ERI3: variants seen among roughly 807,000 people sequenced by gnomAD.
ERI3 encodes the protein ERI1 exoribonuclease 3.
Under a neutral mutation model 44.4 loss-of-function variants are expected in ERI3, and 18 were observed. The ratio of observed to expected loss-of-function variants is 0.41; its 90% CI spans 0.28 to 0.60. The LOEUF (loss-of-function observed/expected upper bound fraction) is 0.60, where lower values mean the gene tolerates loss of function less well. ERI3 is among the 20% of genes least tolerant of loss of function. The probability of loss-of-function intolerance (pLI) is 0.36; values close to 1 mark genes in which losing one functional copy is unlikely to be tolerated. For missense variants in ERI3, 294 were observed against 435.5 expected (o/e 0.68, Z 2.89); for synonymous variants, 183 against 164.8 (o/e 1.11, Z -0.84).
intron 7 of ERI3, among the ~76,000 whole-genome samples, chr1:44,281,013 G>C (rs1246635070): frequency 6.6e-6 from 1 of 152,200 alleles, no homozygotes; most frequent in East Asian, 1.9e-4. Context: ...TTACATTCTA[G>C]TTTCATGAAG....
At chr1:44,333,270 T>C (rs949293716) in intron 3 of ERI3, among the ~76,000 whole-genome samples, 2 of 152,262 alleles carry the variant, frequency 1.3e-5, no homozygotes, top group African/African-American at 4.8e-5. Context: ...AACCATAATG[T>C]TACATTAACG....
chr1:44,290,267 G>T (rs1557823347), intron 6 of ERI3, among the ~76,000 whole-genome samples: 1 of 152,160 alleles, frequency 6.6e-6, no homozygotes, highest in East Asian at 1.9e-4. Context: ...GGGGAGTATG[G>T]AGAGGCTCTG....
intron 7 of ERI3, among the ~76,000 whole-genome samples, chr1:44,269,047 C>A (rs1645041547): frequency 2.6e-5 from 4 of 152,356 alleles, no homozygotes; most frequent in Middle Eastern, 3.4e-3. Flanking sequence ...GGACCCTCAA[C>A]TTCTTCCAAT....
At chr1:44,289,267 C>T (rs1462670999) in intron 6 of ERI3, among the ~76,000 whole-genome samples, 1 of 152,202 alleles carries the variant, frequency 6.6e-6, no homozygotes, top group African/African-American at 2.4e-5. Flanking sequence ...GTCCCCCAGT[C>T]CTGCCTGTGG....
chr1:44,354,508 A>G, intron 1 of ERI3: 1 of 985,068 alleles, frequency 1.0e-6, no homozygotes, highest in Non-Finnish European at 1.2e-6. Context: ...GCCCTTATTC[A>G]CTCCTTCCAC....
At chr1:44,258,867 A>G (rs961581192) in intron 7 of ERI3, among the ~76,000 whole-genome samples, 2 of 152,128 alleles carry the variant, frequency 1.3e-5, no homozygotes, top group East Asian at 1.9e-4. Flanking sequence ...GTTTGGAGGG[A>G]AAAAAAGGAT....
intron 8 of ERI3, among the ~76,000 whole-genome samples, chr1:44,239,239 G>T (rs1355610781): frequency 1.3e-5 from 2 of 152,136 alleles, no homozygotes; most frequent in African/African-American, 2.4e-5. Flanking sequence ...AGACCCTGTG[G>T]GTATGGCCTG....
chr1:44,264,561 G>A (rs1158805968), intron 7 of ERI3, among the ~76,000 whole-genome samples: 1 of 152,364 alleles, frequency 6.6e-6, no homozygotes, highest in East Asian at 1.9e-4. Context: ...CGCGTGCATA[G>A]GCAATGAAGC....
intron 3 of ERI3, among the ~76,000 whole-genome samples, chr1:44,325,218 C>T (rs1447353740): frequency 6.6e-6 from 1 of 151,948 alleles, no homozygotes; most frequent in Non-Finnish European, 1.5e-5. Flanking sequence ...GCTGGGATTA[C>T]AGGCACCCGT....
intron 4 of ERI3, among the ~76,000 whole-genome samples, chr1:44,317,141 C>CCCAT (rs1557846276): frequency 9.9e-5 from 10 of 100,692 alleles, no homozygotes; most frequent in Non-Finnish European, 1.8e-4. Context: ...TACGCATGTG[C>CCCAT]GTGCACACAC....
chr1:44,269,780 G>C (rs1645055701), intron 7 of ERI3, among the ~76,000 whole-genome samples: 1 of 152,212 alleles, frequency 6.6e-6, no homozygotes, highest in South Asian at 2.1e-4. Flanking sequence ...GGGAAGCTAT[G>C]GAAGGAGAGA....
At chr1:44,237,250 A>C (rs1195156401) in intron 8 of ERI3, among the ~76,000 whole-genome samples, 1 of 152,204 alleles carries the variant, frequency 6.6e-6, no homozygotes, top group Non-Finnish European at 1.5e-5. Context: ...ACAAAGGAGC[A>C]TCTCTCACCT....
chr1:44,292,156 A>C (rs1163706443), intron 6 of ERI3, among the ~76,000 whole-genome samples: 1 of 152,158 alleles, frequency 6.6e-6, no homozygotes, highest in African/African-American at 2.4e-5. Flanking sequence ...CATTGACAAG[A>C]CAGTGCCTTG....
intron 3 of ERI3, chr1:44,322,734 T>A (rs1189310873): frequency 4.4e-5 from 68 of 1,548,972 alleles, no homozygotes; most frequent in Non-Finnish European, 5.5e-5. Context: ...CCATCCCATA[T>A]TGCCCAGCCA....
Position 44,221,441 on chromosome 1 carries a change from G to C in ERI3, c.*117C>G. Reference sequence around the variant, plus strand: ...AGGGCATGAGCCCACAGGGCAGCTGGGGACACTCTGGACACAGAGCTATGC... The same window carrying C: ...AGGGCATGAGCCCACAGGGCAGCTGCGGACACTCTGGACACAGAGCTATGC... On this transcript the variant is annotated 3_prime_UTR_variant, in exon 9 of 9. Coordinates refer to ENST00000372257, the MANE Select transcript of ERI3 (RefSeq NM_024066.3). This position sits in a 1 kb window ranked among gnomAD's most constrained non-coding sequence, Gnocchi z 5.9. The C allele has an allele frequency of 1.2e-6, 1 of 857,960 alleles. No individual in the cohort carries two copies. Among genetic ancestry groups the C allele is most frequent in the South Asian group, 1.6e-5 (1 of 63,178 alleles). The allele number at this position is 857,960 out of a possible 1,614,324, so 53.1% of individuals were successfully genotyped here. A position where few individuals can be genotyped will look rare whatever the true frequency, so the allele number is the denominator to read the frequency against.
intron 8 of ERI3, among the ~76,000 whole-genome samples, chr1:44,224,743 C>A (rs1643994307): frequency 6.6e-6 from 1 of 152,186 alleles, no homozygotes; most frequent in Non-Finnish European, 1.5e-5. Context: ...TTGGCATTCA[C>A]TCCAAATTCT....
At chr1:44,261,684 T>A (rs987985660) in intron 7 of ERI3, among the ~76,000 whole-genome samples, 1 of 152,254 alleles carries the variant, frequency 6.6e-6, no homozygotes, top group African/African-American at 2.4e-5. Context: ...GAAAGGCTCG[T>A]TAACAGCTCC....
chr1:44,307,538 C>T (rs1645864851), intron 6 of ERI3, among the ~76,000 whole-genome samples: 1 of 152,202 alleles, frequency 6.6e-6, no homozygotes, highest in Non-Finnish European at 1.5e-5. Flanking sequence ...ACCTCCATCC[C>T]ACTTCGGTTC....
intron 7 of ERI3, among the ~76,000 whole-genome samples, chr1:44,258,932 G>T (rs1041138907): frequency 6.6e-6 from 1 of 152,130 alleles, no homozygotes; most frequent in Non-Finnish European, 1.5e-5. Flanking sequence ...CTTCTCTTTG[G>T]GGTGCACCCA....
Sources: gnomAD v4.1 joint callset for allele counts (sites outside exome capture counted in the v4.1 genomes callset) on GRCh38, gnomAD v4.1.1 for gene constraint, Gnocchi (gnomAD v3.1) non-coding constraint, MANE v1.5 for transcripts, NCBI Gene and HGNC (gene_info 2026-07-23, HGNC 2026-07-21) for gene names.